Variants in COL25A1 observed in about 807,000 individuals in gnomAD.
The protein encoded by COL25A1 is collagen type XXV alpha 1 chain, also known as collagen alpha-1(XXV) chain.
Under a neutral mutation model 128.4 loss-of-function variants are expected in COL25A1, and 103 were observed. The observed-to-expected ratio is 0.80, with a 90% CI of 0.68 to 0.94. The LOEUF (loss-of-function observed/expected upper bound fraction) is 0.94. Ranked by LOEUF, COL25A1 falls within the 40% of genes least tolerant of loss-of-function variation. The pLI is 0.00. For synonymous variants in COL25A1, 279 were observed against 277.2 expected, an observed-to-expected ratio of 1.01 and a Z score of -0.06; for missense variants, 745 against 840.0, an observed-to-expected ratio of 0.89 and a Z score of 1.40.
rs1716538993 is a variant in COL25A1, at chr4:109,152,330, T to C, written c.368-102151A>G. The stretch of plus-strand genomic sequence containing the variant: ...GATGGGTTTACATTACACAAACTCA[T>C]TAGCATATATTTAATTATAGCTGCC... On this transcript the variant is annotated intron_variant, in intron 3 of 37. Coordinates refer to ENST00000399132, the MANE Select transcript of COL25A1 (RefSeq NM_198721.4). Among the ~76,000 whole-genome samples the C allele has an allele frequency of 2.0e-5, 3 of 152,176 alleles. No homozygotes were observed. The South Asian group carries it at 6.2e-4, about 32-fold the overall frequency.
chr4:108,996,176 A>T (rs930622560), intron 6 of COL25A1, among the ~76,000 whole-genome samples: 2 of 152,078 alleles, frequency 1.3e-5, no homozygotes, highest in African/African-American at 4.8e-5. Flanking sequence ...AGACTGGCAA[A>T]TTGGATAAAG....
chr4:108,862,229 CA>C (rs1233473949), intron 22 of COL25A1, among the ~76,000 whole-genome samples: 1 of 152,010 alleles, frequency 6.6e-6, no homozygotes, highest in South Asian at 2.1e-4. Context: ...TAATTTTTTT[CA>C]AAGAAGCTAT....
chr4:108,953,341 C>T (rs181211435), intron 8 of COL25A1, among the ~76,000 whole-genome samples: 1 of 152,220 alleles, frequency 6.6e-6, no homozygotes, highest in African/African-American at 2.4e-5. Flanking sequence ...AGGGTTTGTT[C>T]AATTACACAA....
At chr4:108,998,622 C>T (rs1755024027) in intron 6 of COL25A1, among the ~76,000 whole-genome samples, 1 of 152,018 alleles carries the variant, frequency 6.6e-6, no homozygotes, top group Admixed American at 6.6e-5. Context: ...CTACTTTAAA[C>T]TTCATATGGA....
intron 3 of COL25A1, among the ~76,000 whole-genome samples, chr4:109,157,645 G>A: frequency 6.6e-6 from 1 of 152,168 alleles, no homozygotes; most frequent in East Asian, 1.9e-4. Flanking sequence ...TCTTGCTAAA[G>A]CAAAATTTAA....
At chr4:108,990,458 C>T (rs748183412) in intron 6 of COL25A1, among the ~76,000 whole-genome samples, 20 of 151,552 alleles carry the variant, frequency 1.3e-4, no homozygotes, top group Non-Finnish European at 2.6e-4. Flanking sequence ...ACCGTGTGCA[C>T]ATAAATGTTT....
chr4:109,012,494 T>C (rs1390889571), intron 5 of COL25A1, among the ~76,000 whole-genome samples: 1 of 152,130 alleles, frequency 6.6e-6, no homozygotes, highest in Non-Finnish European at 1.5e-5. Context: ...GGGCAGGAAC[T>C]TGGGCTGCGT....
intron 20 of COL25A1, among the ~76,000 whole-genome samples, chr4:108,867,538 G>A (rs1468351843): frequency 6.6e-6 from 1 of 152,124 alleles, no homozygotes; most frequent in Non-Finnish European, 1.5e-5. Context: ...TGCATAATCT[G>A]ATGGAGTTTC....
chr4:108,967,940 T>A (rs1337874160), intron 8 of COL25A1, among the ~76,000 whole-genome samples: 1 of 152,152 alleles, frequency 6.6e-6, no homozygotes, highest in African/African-American at 2.4e-5. Flanking sequence ...ATTATCTCTT[T>A]ACGCCCGGAT....
chr4:108,994,507 C>T (rs1489479973), intron 6 of COL25A1, among the ~76,000 whole-genome samples: 1 of 152,234 alleles, frequency 6.6e-6, no homozygotes, highest in Non-Finnish European at 1.5e-5. Flanking sequence ...GGCCTACTGC[C>T]TCTATAGATT....
chr4:109,135,412 C>T (rs1250765265), intron 3 of COL25A1, among the ~76,000 whole-genome samples: 1 of 151,982 alleles, frequency 6.6e-6, no homozygotes, highest in Non-Finnish European at 1.5e-5. Flanking sequence ...ATAAATTTAC[C>T]CTAATTGTGA....
At chr4:109,297,862 CTTTTTTTTTT>C (rs35099153) in intron 3 of COL25A1, among the ~76,000 whole-genome samples, 4 of 63,830 alleles carry the variant, frequency 6.3e-5, no homozygotes, top group Admixed American at 2.4e-4. Flanking sequence ...TTTTCCTTTT[CTTTTTTTTTT>C]TTTTTTTTTT....
At chr4:109,243,725 T>G (rs570667268) in intron 3 of COL25A1, among the ~76,000 whole-genome samples, 1 of 152,126 alleles carries the variant, frequency 6.6e-6, no homozygotes, top group African/African-American at 2.4e-5. Flanking sequence ...AAGAAAGATT[T>G]CTCTGAGAGT....
At chr4:109,135,809 C>T (rs1314324839) in intron 3 of COL25A1, among the ~76,000 whole-genome samples, 6 of 152,256 alleles carry the variant, frequency 3.9e-5, no homozygotes, top group African/African-American at 1.4e-4. Context: ...AGACTTCAGA[C>T]CTGACTCAAT....
At chr4:109,245,441 C>T (rs1351533656) in intron 3 of COL25A1, among the ~76,000 whole-genome samples, 1 of 150,520 alleles carries the variant, frequency 6.6e-6, no homozygotes, top group African/African-American at 2.5e-5. Flanking sequence ...CTTGAAATAA[C>T]AAAGGTATCC....
In COL25A1 at chr4:109,285,528, C is replaced by T. The variant is rs1578639500; in HGVS notation, c.367+15055G>A. ...AAATACTAGCCAAGGCAGCGTTGTCCCTTGGAGACAACATTATGACGAATA... is the reference window on the plus strand; with the variant it reads ...AAATACTAGCCAAGGCAGCGTTGTCTCTTGGAGACAACATTATGACGAATA... On this transcript the variant is annotated intron_variant, in intron 3 of 37. Coordinates refer to ENST00000399132, the MANE Select transcript of COL25A1 (RefSeq NM_198721.4). Among the ~76,000 whole-genome samples the T allele has an allele frequency of 3.9e-5, 6 of 152,230 alleles. No homozygotes were observed. In the South Asian group the frequency reaches 1.2e-3, roughly 32 times the overall value.
intron 3 of COL25A1, among the ~76,000 whole-genome samples, chr4:109,180,811 T>C (rs1315704664): frequency 1.3e-5 from 2 of 152,166 alleles, no homozygotes; most frequent in Non-Finnish European, 2.9e-5. Context: ...TTTTGCAAGT[T>C]ACTCACATTT....
At chr4:108,871,681 T>A (rs774065086) in intron 19 of COL25A1, among the ~76,000 whole-genome samples, 1 of 152,182 alleles carries the variant, frequency 6.6e-6, no homozygotes, top group Non-Finnish European at 1.5e-5. Flanking sequence ...TTTAAGAAAG[T>A]ATCTACCGTA....
At chr4:108,951,995 C>T (rs13353537) in intron 8 of COL25A1, among the ~76,000 whole-genome samples, 6,571 of 152,086 alleles carry the variant, frequency 0.043, 367 homozygotes, top group African/African-American at 0.13. Flanking sequence ...AAATTAATGA[C>T]AAAGAGCTCT....
Sources: gnomAD v4.1 joint callset for allele counts (sites outside exome capture counted in the v4.1 genomes callset) on GRCh38, gnomAD v4.1.1 for gene constraint, MANE v1.5 for transcripts, NCBI Gene and HGNC (gene_info 2026-07-23, HGNC 2026-07-21) for gene names.